Variants in LDLRAD4 observed in about 807,000 individuals in gnomAD.
The protein encoded by LDLRAD4 is low density lipoprotein receptor class A domain containing 4, also known as low-density lipoprotein receptor class A domain-containing protein 4.
LDLRAD4 carries 5 observed loss-of-function variants against 17.0 expected under a neutral mutation model. That is an observed-to-expected ratio of 0.29 (90% CI 0.15 to 0.62). LDLRAD4 has a LOEUF of 0.62. Ranked by LOEUF, LDLRAD4 falls within the 20% of genes least tolerant of loss-of-function variation. LDLRAD4 has a pLI of 0.84. For synonymous variants in LDLRAD4, 168 were observed against 171.8 expected (o/e 0.98, Z 0.17); for missense variants, 340 against 424.7 (o/e 0.80, Z 1.75).
chr18:13,327,579 AT>A (rs957373531), intron 1 of LDLRAD4, among the ~76,000 whole-genome samples: 44 of 147,868 alleles, frequency 3.0e-4, no homozygotes, highest in Admixed American at 6.8e-4. Context: ...TGGTGCGTGT[AT>A]TTTTTTTTTT....
intron 3 of LDLRAD4, among the ~76,000 whole-genome samples, chr18:13,449,132 G>A (rs1215381166): frequency 6.6e-6 from 1 of 152,252 alleles, no homozygotes; most frequent in African/African-American, 2.4e-5. Context: ...TCACTGGAGA[G>A]GGAAGAAAGA....
intron 1 of LDLRAD4, among the ~76,000 whole-genome samples, chr18:13,337,830 C>T (rs866487377): frequency 1.3e-5 from 2 of 151,966 alleles, no homozygotes; most frequent in Middle Eastern, 3.4e-3. Flanking sequence ...CACTGCTCTC[C>T]AGTCTGGGTG....
chr18:13,617,632 T>A (rs1171008330), intron 3 of LDLRAD4, among the ~76,000 whole-genome samples: 1 of 152,176 alleles, frequency 6.6e-6, no homozygotes, highest in Non-Finnish European at 1.5e-5. Context: ...CAAAGATGTG[T>A]AACCATAATA....
intron 1 of LDLRAD4, chr18:13,279,926 A>G (rs1331703388): frequency 1.3e-5 from 2 of 152,240 alleles, no homozygotes; most frequent in East Asian, 3.8e-4. Context: ...GTTACTTGCA[A>G]AATTTTGTCC....
intron 1 of LDLRAD4, among the ~76,000 whole-genome samples, chr18:13,272,244 G>A (rs1031059344): frequency 3.3e-5 from 5 of 152,112 alleles, no homozygotes; most frequent in South Asian, 4.1e-4. Context: ...GCAGCTGCTC[G>A]GGGTCTGGGT....
chr18:13,516,291 T>C (rs2093865676), intron 3 of LDLRAD4, among the ~76,000 whole-genome samples: 1 of 152,098 alleles, frequency 6.6e-6, no homozygotes. Flanking sequence ...TCGAATGAGG[T>C]TGAACCTTTA....
chr18:13,383,079 C>T (rs2145135250), intron 1 of LDLRAD4, among the ~76,000 whole-genome samples: 1 of 152,346 alleles, frequency 6.6e-6, no homozygotes, highest in Middle Eastern at 3.4e-3. Context: ...GGGTCCCAGC[C>T]AAGCAGGCTG....
intron 1 of LDLRAD4, among the ~76,000 whole-genome samples, chr18:13,329,373 GTTATT>G (rs1482836559): frequency 6.6e-6 from 1 of 152,140 alleles, no homozygotes; most frequent in Non-Finnish European, 1.5e-5. Context: ...AAGTAATAGA[GTTATT>G]TTAATTTGCA....
intron 1 of LDLRAD4, among the ~76,000 whole-genome samples, chr18:13,259,240 G>A (rs540204838): frequency 2.0e-5 from 3 of 151,980 alleles, no homozygotes; most frequent in South Asian, 2.1e-4. Flanking sequence ...GTGCAGTAGC[G>A]TGATCATAGC....
intron 1 of LDLRAD4, among the ~76,000 whole-genome samples, chr18:13,327,171 A>T (rs753105792): frequency 1.3e-5 from 2 of 151,972 alleles, no homozygotes; most frequent in East Asian, 3.9e-4. Flanking sequence ...GGGCTTCTGC[A>T]TGGTTATCCA....
intron 3 of LDLRAD4, among the ~76,000 whole-genome samples, chr18:13,457,120 C>A (rs2092178812): frequency 6.6e-6 from 1 of 152,254 alleles, no homozygotes; most frequent in Admixed American, 6.5e-5. Context: ...GTCCCCAAGG[C>A]TGCCCCTCAG....
intron 3 of LDLRAD4, among the ~76,000 whole-genome samples, chr18:13,529,855 C>A (rs1648513020): frequency 6.6e-6 from 1 of 152,152 alleles, no homozygotes; most frequent in African/African-American, 2.4e-5. Context: ...TAGAGACTTC[C>A]ATGGCACCAT....
chr18:13,414,075 C>T (rs73406313), intron 2 of LDLRAD4, among the ~76,000 whole-genome samples: 330 of 152,316 alleles, frequency 2.2e-3, no homozygotes, highest in African/African-American at 7.8e-3. Flanking sequence ...CTATAGTCCA[C>T]CATGCTTTGT....
chr18:13,308,690 G>A (rs1451390209), intron 1 of LDLRAD4, among the ~76,000 whole-genome samples: 1 of 152,258 alleles, frequency 6.6e-6, no homozygotes. Flanking sequence ...TCAGAGCCAT[G>A]TGTGTTTGTG....
intron 3 of LDLRAD4, among the ~76,000 whole-genome samples, chr18:13,537,737 G>A (rs2094219991): frequency 6.6e-6 from 1 of 152,070 alleles, no homozygotes; most frequent in African/African-American, 2.4e-5. Context: ...GCACATAACT[G>A]TATTTAATAG....
At chr18:13,252,034 G>T (rs1462511050) in intron 1 of LDLRAD4, among the ~76,000 whole-genome samples, 5 of 152,218 alleles carry the variant, frequency 3.3e-5, no homozygotes, top group Non-Finnish European at 7.3e-5. Context: ...ATTGTTTGGA[G>T]GGGACTTGGG....
intron 2 of LDLRAD4, among the ~76,000 whole-genome samples, chr18:13,435,006 G>A (rs187658299): frequency 6.6e-6 from 1 of 152,256 alleles, no homozygotes; most frequent in Non-Finnish European, 1.5e-5. Flanking sequence ...CAGCAGTGCT[G>A]AAAGACGTCC....
intron 3 of LDLRAD4, among the ~76,000 whole-genome samples, chr18:13,596,308 C>G (rs186248532): frequency 6.6e-6 from 1 of 152,292 alleles, no homozygotes; most frequent in Admixed American, 6.5e-5. Flanking sequence ...ATCTTGTTCT[C>G]TCATCCATTC....
chr18:13,394,414 ATTTAT>A (rs1212657289), intron 2 of LDLRAD4, among the ~76,000 whole-genome samples: 8 of 152,194 alleles, frequency 5.3e-5, no homozygotes, highest in African/African-American at 1.7e-4. Context: ...CTGAAATTAT[ATTTAT>A]TTTAAGGTTA....
Sources: gnomAD v4.1 joint callset for allele counts (sites outside exome capture counted in the v4.1 genomes callset) on GRCh38, gnomAD v4.1.1 for gene constraint, MANE v1.5 for transcripts, NCBI Gene and HGNC (gene_info 2026-07-23, HGNC 2026-07-21) for gene names.